The following CYS1 variants were observed in gnomAD, a reference collection of about 807,000 sequenced individuals.
CYS1 encodes the protein cystin 1, also known as cystin-1.
In CYS1, 5 loss-of-function variants were observed where a neutral mutation model predicts 9.6. The observed-to-expected ratio is 0.52, with a 90% confidence interval of 0.27 to 1.10. The LOEUF (loss-of-function observed/expected upper bound fraction) is 1.10, where lower values mean the gene tolerates loss of function less well. Among genes scored for constraint, CYS1 ranks in the 50% least tolerant of loss-of-function variants. CYS1 has a pLI of 0.11. For synonymous variants in CYS1, 88 were observed against 95.7 expected (o/e 0.92, Z 0.47); for missense variants, 221 against 207.9 (o/e 1.06, Z -0.39).
At chr2:10,072,286 T>C (rs759922339) in intron 1 of CYS1, among the ~76,000 whole-genome samples, 1 of 152,220 alleles carries the variant, frequency 6.6e-6, no homozygotes, top group Non-Finnish European at 1.5e-5. Context: ...TTTCACCATG[T>C]TGGCCAGGTT....
intron 1 of CYS1, among the ~76,000 whole-genome samples, chr2:10,072,085 T>A (rs1661775108): frequency 6.6e-6 from 1 of 152,084 alleles, no homozygotes; most frequent in Non-Finnish European, 1.5e-5. Context: ...TTTCAAAGGT[T>A]ACTTTTTTTT....
chr2:10,068,816 C>G (rs529395199), intron 1 of CYS1, among the ~76,000 whole-genome samples: 1 of 152,180 alleles, frequency 6.6e-6, no homozygotes, highest in African/African-American at 2.4e-5. Flanking sequence ...GCTACCAACA[C>G]TTTGGGAGGC....
chr2:10,072,920 TA>T (rs1661790892), intron 1 of CYS1, among the ~76,000 whole-genome samples: 2 of 115,604 alleles, frequency 1.7e-5, no homozygotes, highest in Non-Finnish European at 3.6e-5. Context: ...GGGCTCTGCG[TA>T]GGGGGGGATG....
At position 10,057,071 on chromosome 2, in the gene CYS1, T is replaced by A. The variant is rs1192620841; in HGVS notation, c.*1782A>T. 1.3e-5 allele frequency: 2 copies of A among 152,266 alleles called. No individual in the cohort carries two copies. The highest frequency in any genetic ancestry group is 2.9e-5 in the Non-Finnish European group (2 of 68,046). 9.4% of individuals were successfully genotyped at this position (152,266 alleles called of 1,614,324 possible). A position where few individuals can be genotyped will look rare whatever the true frequency, so the allele number is the denominator to read the frequency against. On this transcript the variant is annotated 3_prime_UTR_variant, in exon 3 of 3. Transcript: ENST00000381813. ...TTTTCCACCAGAAAATGCAGAGGTA[T>A]CATCTTTCTTGGAAACCAATTGAAA...
intron 1 of CYS1, among the ~76,000 whole-genome samples, chr2:10,074,867 T>G (rs915750671): frequency 1.3e-5 from 2 of 152,176 alleles, no homozygotes; most frequent in Non-Finnish European, 2.9e-5. Context: ...ATCCCAGCAC[T>G]TTGGGAGGCT....
At chr2:10,060,951 C>A (rs1661618941) in intron 2 of CYS1, among the ~76,000 whole-genome samples, 1 of 152,122 alleles carries the variant, frequency 6.6e-6, no homozygotes, top group Admixed American at 6.5e-5. Flanking sequence ...CATGCCTGGC[C>A]CGGCGCAGTG....
At chr2:10,060,383 G>C (rs146478492) in intron 2 of CYS1, among the ~76,000 whole-genome samples, 3 of 152,198 alleles carry the variant, frequency 2.0e-5, no homozygotes, top group Non-Finnish European at 4.4e-5. Context: ...CACAGCCTCC[G>C]GGTCCCCGTC....
At chr2:10,066,999 T>G (rs556272654) in intron 1 of CYS1, among the ~76,000 whole-genome samples, 167 of 152,292 alleles carry the variant, frequency 1.1e-3, no homozygotes, top group Non-Finnish European at 1.7e-3. Context: ...AGAGATACCA[T>G]GGATATCTCT....
intron 1 of CYS1, among the ~76,000 whole-genome samples, chr2:10,073,208 C>A (rs1029960370): frequency 4.4e-5 from 1 of 22,518 alleles, no homozygotes; most frequent in East Asian, 1.4e-3. Flanking sequence ...CTCTGGGAAC[C>A]GCCCCCCCCC....
intron 2 of CYS1, among the ~76,000 whole-genome samples, chr2:10,061,006 G>A (rs897388759): frequency 3.3e-5 from 5 of 152,154 alleles, no homozygotes; most frequent in Admixed American, 2.6e-4. Flanking sequence ...CGAGGCAGGT[G>A]GATTGCTTTG....
intron 1 of CYS1, among the ~76,000 whole-genome samples, chr2:10,072,512 T>C (rs1186963493): frequency 6.6e-6 from 1 of 152,278 alleles, no homozygotes; most frequent in African/African-American, 2.4e-5. Context: ...TGTATGTATG[T>C]ACATACACCA....
chr2:10,063,390 C>T lies in CYS1; in HGVS notation c.371+2514G>A, dbSNP rs540638411. 2.0e-5 allele frequency among the ~76,000 whole-genome samples: 3 copies of T among 152,256 alleles called. No individual in the cohort carries two copies. In the East Asian group the frequency reaches 5.8e-4, roughly 29 times the overall value. ...ATGAGGGGGAGATGTTTAAACTGTG[C>T]TTTGAAGGGTTTCTTCTTCGATATT... On this transcript the variant is annotated intron_variant, in intron 2 of 2. Coordinates refer to ENST00000381813, the MANE Select transcript of CYS1 (RefSeq NM_001037160.3). This position sits in a 1 kb window ranked among gnomAD's most constrained non-coding sequence, Gnocchi z 4.2.
rs139426070 is a variant in CYS1, at chr2:10,062,654, C to T, written c.371+3250G>A. Among the ~76,000 whole-genome samples the T allele has an allele frequency of 4.8e-3, 728 of 152,294 alleles. 7 individuals carry two copies. Among genetic ancestry groups the T allele is most frequent in the African/African-American group, 0.016 (677 of 41,564 alleles). ...TTGACCTCAGGTGATCTGCCCACCT[C>T]AGCCTCCCAAAGTGCTGGGATTATA... On this transcript the variant is annotated intron_variant, in intron 2 of 2. Transcript: ENST00000381813.
At chr2:10,073,894 T>C (rs1025913768) in intron 1 of CYS1, among the ~76,000 whole-genome samples, 2 of 152,300 alleles carry the variant, frequency 1.3e-5, no homozygotes, top group East Asian at 1.9e-4. Flanking sequence ...CTGACCGTGA[T>C]GCAACCAGGC....
intron 1 of CYS1, among the ~76,000 whole-genome samples, chr2:10,073,209 G>GC (rs36064107): frequency 6.2e-5 from 8 of 130,020 alleles, no homozygotes; most frequent in African/African-American, 8.8e-5. Flanking sequence ...TCTGGGAACC[G>GC]CCCCCCCCCC....
chr2:10,059,071 A>C (rs1173447117), intron 2 of CYS1, 113 bp from the exon 3 acceptor site: 1 of 989,174 alleles, frequency 1.0e-6, no homozygotes. Flanking sequence ...CCCAAACCGA[A>C]GTCTTTGCCC....
intron 1 of CYS1, among the ~76,000 whole-genome samples, chr2:10,067,447 GC>G (rs1661713873): frequency 9.5e-6 from 1 of 104,758 alleles, no homozygotes. Context: ...TTGCTGTGTT[GC>G]CCAGACTGGA....
In CYS1 at chr2:10,058,598, G is replaced by A; in HGVS notation, c.*255C>T. 2.5e-6 allele frequency: 1 copy of A among 399,246 alleles called. No individual in the cohort carries two copies. Among genetic ancestry groups the A allele is most frequent in the Admixed American group, 4.0e-5 (1 of 25,284 alleles). The allele number at this position is 399,246 out of a possible 1,614,324, so 24.7% of individuals were successfully genotyped here. A position where few individuals can be genotyped will look rare whatever the true frequency, so the allele number is the denominator to read the frequency against. Reference sequence around the variant, plus strand: ...AAGAACTGGGCAGGCTCCCCGCGTTGGGGAGGAGGCGCCGGCGGCCCAGGC... The same window carrying A: ...AAGAACTGGGCAGGCTCCCCGCGTTAGGGAGGAGGCGCCGGCGGCCCAGGC... On this transcript the variant is annotated 3_prime_UTR_variant, in exon 3 of 3. Transcript: ENST00000381813.
Position 10,058,611 on chromosome 2 carries a change from C to T in CYS1, c.*242G>A, listed in dbSNP as rs994748725. On this transcript the variant is annotated 3_prime_UTR_variant, in exon 3 of 3. Transcript: ENST00000381813. ...GCTCCCCGCGTTGGGGAGGAGGCGC[C>T]GGCGGCCCAGGCCCACGCACCTGTG... 9.8e-6 allele frequency: 4 copies of T among 407,252 alleles called. No homozygotes were observed. The highest frequency in any genetic ancestry group is 3.6e-5 in the East Asian group (1 of 27,826). The allele number at this position is 407,252 out of a possible 1,614,324, so 25.2% of individuals were successfully genotyped here.
Sources: gnomAD v4.1 joint callset for allele counts (sites outside exome capture counted in the v4.1 genomes callset) on GRCh38, gnomAD v4.1.1 for gene constraint, Gnocchi (gnomAD v3.1) non-coding constraint, MANE v1.5 for transcripts, NCBI Gene and HGNC (gene_info 2026-07-23, HGNC 2026-07-21) for gene names.